PLXNA4: variants seen among roughly 807,000 people sequenced by gnomAD.
PLXNA4 encodes plexin A4.
A neutral mutation model predicts 191.8 loss-of-function variants in PLXNA4; 44 were observed. The ratio of observed to expected loss-of-function variants is 0.23; its 90% CI spans 0.18 to 0.29. PLXNA4 has a LOEUF of 0.29. Ranked by LOEUF, PLXNA4 falls within the 10% of genes least tolerant of loss-of-function variation. PLXNA4 has a pLI of 1.00. For synonymous variants in PLXNA4, 1,082 were observed against 1,009.5 expected (o/e 1.07, Z -1.36); for missense variants, 1,800 against 2,488.8 (o/e 0.72, Z 5.89).
chr7:132,175,821 A>G (rs778636610), intron 20 of PLXNA4, among the ~76,000 whole-genome samples: 19 of 152,188 alleles, frequency 1.2e-4, no homozygotes, highest in Non-Finnish European at 7.4e-5. Flanking sequence ...ACGTGCATGC[A>G]TGCACATGGA....
chr7:132,168,215 C>T (rs1796177616), intron 22 of PLXNA4, 89 bp downstream of exon 22: 1 of 1,424,054 alleles, frequency 7.0e-7, no homozygotes, highest in East Asian at 2.6e-5. Flanking sequence ...GGCTGCTCTC[C>T]TAGGAGCTCC....
At chr7:132,233,661 A>G (rs1198438662) in intron 5 of PLXNA4, among the ~76,000 whole-genome samples, 1 of 152,234 alleles carries the variant, frequency 6.6e-6, no homozygotes, top group African/African-American at 2.4e-5. Context: ...CATAGGACTT[A>G]GCAGAAACCA....
At chr7:132,475,834 T>C (rs537613298) in intron 3 of PLXNA4, among the ~76,000 whole-genome samples, 1 of 152,276 alleles carries the variant, frequency 6.6e-6, no homozygotes, top group South Asian at 2.1e-4. Context: ...TGAGGCACTG[T>C]CCATCTGGGC....
intron 3 of PLXNA4, among the ~76,000 whole-genome samples, chr7:132,321,187 CTCTT>C (rs1478903777): frequency 6.6e-6 from 1 of 152,182 alleles, no homozygotes; most frequent in African/African-American, 2.4e-5. Flanking sequence ...TTCCCTCTGA[CTCTT>C]TCTCCTGACA....
At chr7:132,149,668 G>A (rs962411426) in intron 25 of PLXNA4, among the ~76,000 whole-genome samples, 1 of 152,198 alleles carries the variant, frequency 6.6e-6, no homozygotes, top group Non-Finnish European at 1.5e-5. Flanking sequence ...CCTGCTCAAT[G>A]CCTCTCAGAT....
chr7:132,496,097 G>T (rs1798001752), intron 2 of PLXNA4, among the ~76,000 whole-genome samples: 1 of 152,212 alleles, frequency 6.6e-6, no homozygotes, highest in South Asian at 2.1e-4. Flanking sequence ...GTGCCTGGGG[G>T]AGTCCAGAGA....
At chr7:132,239,905 A>G (rs1798821420) in intron 5 of PLXNA4, among the ~76,000 whole-genome samples, 1 of 152,094 alleles carries the variant, frequency 6.6e-6, no homozygotes, top group Non-Finnish European at 1.5e-5. Flanking sequence ...ACTGTAACCT[A>G]CCTGAGGAAT....
chr7:132,506,305 G>A (rs1003731586), intron 2 of PLXNA4, among the ~76,000 whole-genome samples: 5 of 152,126 alleles, frequency 3.3e-5, no homozygotes, highest in Admixed American at 6.5e-5. Context: ...TATACTTTAT[G>A]AAAGGAAATT....
intron 3 of PLXNA4, among the ~76,000 whole-genome samples, chr7:132,364,090 A>G (rs1243810836): frequency 6.6e-6 from 1 of 152,198 alleles, no homozygotes; most frequent in Non-Finnish European, 1.5e-5. Context: ...ATCAGCAGCA[A>G]TGTTTACCTG....
chr7:132,593,014 C>T (rs1802631534), intron 2 of PLXNA4, among the ~76,000 whole-genome samples: 1 of 152,148 alleles, frequency 6.6e-6, no homozygotes, highest in South Asian at 2.1e-4. Context: ...AGTGATCTAC[C>T]CAACCTATGT....
chr7:132,549,828 A>C (rs1048444383), intron 1 of PLXNA4, among the ~76,000 whole-genome samples: 1 of 152,166 alleles, frequency 6.6e-6, no homozygotes, highest in Non-Finnish European at 1.5e-5. Context: ...TTTTTTCTTA[A>C]AATGACTTTA....
At chr7:132,155,840 C>T (rs1390552100) in intron 25 of PLXNA4, among the ~76,000 whole-genome samples, 1 of 152,158 alleles carries the variant, frequency 6.6e-6, no homozygotes, top group African/African-American at 2.4e-5. Context: ...GTGAGGGTGT[C>T]TTTCTATGAA....
At chr7:132,639,763 G>T (rs1490400891) in intron 2 of PLXNA4, among the ~76,000 whole-genome samples, 1 of 152,148 alleles carries the variant, frequency 6.6e-6, no homozygotes, top group Non-Finnish European at 1.5e-5. Context: ...ATTTTCCAAT[G>T]ATAAATTTCC....
At chr7:132,199,404 G>A (rs934503686) in intron 12 of PLXNA4, among the ~76,000 whole-genome samples, 6 of 152,110 alleles carry the variant, frequency 3.9e-5, no homozygotes, top group Admixed American at 6.5e-5. Flanking sequence ...TTTTACCCTC[G>A]TACACAGGTC....
At chr7:132,140,570 C>T (rs1795239114) in intron 30 of PLXNA4, 29 bp downstream of exon 30, 2 of 1,609,362 alleles carry the variant, frequency 1.2e-6, no homozygotes, top group Admixed American at 1.7e-5. Flanking sequence ...GCAAGGGGCC[C>T]TGACTTGGCT....
rs751303200 is a variant in PLXNA4, at chr7:132,484,868, C to T, written c.1371+4424G>A. 6 of 1,614,174 alleles carry T rather than the reference C, an allele frequency of 3.7e-6. No individual in the cohort carries two copies. In the South Asian group the frequency reaches 5.5e-5, roughly 15 times the overall value. ...GAAGCAACAAAGCAGAGGCTGGACT[C>T]TCTGATCTGATATTGCTTTGTGACT... On this transcript the variant is annotated intron_variant, in intron 3 of 31. Coordinates refer to ENST00000321063, the MANE Select transcript of PLXNA4 (RefSeq NM_020911.2).
At chr7:132,309,555 G>A (rs1340852299) in intron 3 of PLXNA4, among the ~76,000 whole-genome samples, 2 of 152,202 alleles carry the variant, frequency 1.3e-5, no homozygotes, top group Non-Finnish European at 2.9e-5. Flanking sequence ...AACTGTTGCA[G>A]TGACAAAGGG....
Position 132,130,432 on chromosome 7 carries a change from C to A in PLXNA4, c.*47G>T. ...GTAAAGATGATAATCTAGACTGAGG[C>A]ACGGCTTGGTGTGTCCCCCTCCAGG... On this transcript the variant is annotated 3_prime_UTR_variant, in exon 32 of 32. Transcript: ENST00000321063. 3 of 1,613,446 alleles carry A rather than the reference C, an allele frequency of 1.9e-6. No homozygotes were observed. Among genetic ancestry groups the A allele is most frequent in the Non-Finnish European group, 2.5e-6 (3 of 1,179,538 alleles).
chr7:132,169,494 T>C (rs1050860637), intron 21 of PLXNA4, among the ~76,000 whole-genome samples: 5 of 152,152 alleles, frequency 3.3e-5, no homozygotes, highest in African/African-American at 1.2e-4. Flanking sequence ...TTCCACCCAA[T>C]GGATACCACA....
Sources: allele counts gnomAD v4.1 joint callset (sites outside exome capture counted in the v4.1 genomes callset), GRCh38; gene constraint gnomAD v4.1.1; transcripts MANE v1.5; gene names NCBI Gene and HGNC (gene_info 2026-07-23, HGNC 2026-07-21).